The following GALNT1 variants were observed in gnomAD, a reference collection of about 807,000 sequenced individuals.
GALNT1 encodes the protein polypeptide N-acetylgalactosaminyltransferase 1, also known as GalNAc transferase 1.
GALNT1 carries 17 observed loss-of-function variants against 65.7 expected under a neutral mutation model. The ratio of observed to expected loss-of-function variants is 0.26; its 90% CI spans 0.18 to 0.39. The LOEUF (loss-of-function observed/expected upper bound fraction) is 0.39. Among genes scored for constraint, GALNT1 ranks in the 10% least tolerant of loss-of-function variants. The pLI, the probability that GALNT1 is intolerant of heterozygous loss-of-function variation, is 1.00. For missense variants in GALNT1, 460 were observed against 672.8 expected (o/e 0.68, Z 3.50); for synonymous variants, 210 against 219.7 (o/e 0.96, Z 0.39).
At chr18:35,709,526 A>AAAAAACACCTTTT in intron 11 of GALNT1, 98 bp from the exon 12 acceptor site, 1 of 1,327,934 alleles carries the variant, frequency 7.5e-7, no homozygotes, top group Non-Finnish European at 1.0e-6. Flanking sequence ...ATATTACCAA[A>AAAAAACACCTTTT]AAAAACACCT....
chr18:35,631,866 A>T (rs1230139093), intron 1 of GALNT1, among the ~76,000 whole-genome samples: 1 of 152,354 alleles, frequency 6.6e-6, no homozygotes, highest in East Asian at 1.9e-4. Flanking sequence ...AAGTCTCAGT[A>T]TACAAAATCA....
At chr18:35,706,088 A>T (rs1470992905) in intron 11 of GALNT1, among the ~76,000 whole-genome samples, 1 of 152,200 alleles carries the variant, frequency 6.6e-6, no homozygotes, top group Non-Finnish European at 1.5e-5. Context: ...TAGTCGTTAG[A>T]GTGTGAGATG....
chr18:35,643,881 CA>C (rs1021775652), intron 1 of GALNT1, among the ~76,000 whole-genome samples: 18 of 151,684 alleles, frequency 1.2e-4, no homozygotes, highest in African/African-American at 4.4e-4. Context: ...CATTGGGATG[CA>C]AATTTGTAGG....
At chr18:35,683,075 A>G (rs2047810547) in intron 4 of GALNT1, among the ~76,000 whole-genome samples, 1 of 151,922 alleles carries the variant, frequency 6.6e-6, no homozygotes, top group Non-Finnish European at 1.5e-5. Flanking sequence ...TGTATTGCTG[A>G]TCCTTAAGCA....
chr18:35,608,887 G>T (rs1186976770), intron 1 of GALNT1, among the ~76,000 whole-genome samples: 6 of 152,150 alleles, frequency 3.9e-5, no homozygotes, highest in Non-Finnish European at 8.8e-5. Flanking sequence ...CATCATAGGG[G>T]CACTGTAAGT....
At chr18:35,601,573 T>G (rs533329603) in intron 1 of GALNT1, among the ~76,000 whole-genome samples, 1 of 152,316 alleles carries the variant, frequency 6.6e-6, no homozygotes, top group South Asian at 2.1e-4. Context: ...GATGTTTATT[T>G]CTATAAATAT....
At chr18:35,676,242 T>A (rs1158197967) in intron 3 of GALNT1, among the ~76,000 whole-genome samples, 1 of 152,000 alleles carries the variant, frequency 6.6e-6, no homozygotes, top group African/African-American at 2.4e-5. Context: ...AGAGGGAAGG[T>A]TACTGTTAGT....
At chr18:35,618,313 T>G (rs1028172036) in intron 1 of GALNT1, among the ~76,000 whole-genome samples, 2 of 152,128 alleles carry the variant, frequency 1.3e-5, no homozygotes, top group East Asian at 3.9e-4. Context: ...TTTAAAAAAT[T>G]TTAGTTATTC....
At chr18:35,683,290 C>G (rs2047813958) in intron 4 of GALNT1, 101 bp from the exon 5 acceptor site, 1 of 863,270 alleles carries the variant, frequency 1.2e-6, no homozygotes, top group African/African-American at 1.7e-5. Context: ...TGAGAGTGTT[C>G]AGTAAGGGTA....
intron 1 of GALNT1, among the ~76,000 whole-genome samples, chr18:35,635,772 T>C (rs2047080725): frequency 6.6e-6 from 1 of 152,198 alleles, no homozygotes; most frequent in Non-Finnish European, 1.5e-5. Context: ...TTCTTTTCTT[T>C]TAGGGTGACT....
At chr18:35,644,111 C>A (rs558884288) in intron 1 of GALNT1, among the ~76,000 whole-genome samples, 89 of 152,258 alleles carry the variant, frequency 5.8e-4, no homozygotes, top group African/African-American at 2.1e-3. Context: ...ATGACTACCC[C>A]AAATGATAAG....
At chr18:35,640,485 T>G (rs113201219) in intron 1 of GALNT1, among the ~76,000 whole-genome samples, 100 of 152,322 alleles carry the variant, frequency 6.6e-4, no homozygotes, top group Admixed American at 2.9e-3. Context: ...TTTTATAGAT[T>G]TAAAGATGCT....
intron 1 of GALNT1, among the ~76,000 whole-genome samples, chr18:35,620,261 G>C (rs1418064301): frequency 6.6e-6 from 1 of 152,114 alleles, no homozygotes; most frequent in African/African-American, 2.4e-5. Flanking sequence ...AGGGGTGAGG[G>C]CAAAATGGCC....
intron 1 of GALNT1, chr18:35,591,925 A>G (rs1388696336): frequency 6.5e-6 from 1 of 154,390 alleles, no homozygotes; most frequent in African/African-American, 2.4e-5. Flanking sequence ...CATTAACAGC[A>G]ATGGAAAAAA....
At chr18:35,680,192 T>C (rs2047766361) in intron 4 of GALNT1, among the ~76,000 whole-genome samples, 1 of 152,170 alleles carries the variant, frequency 6.6e-6, no homozygotes, top group Non-Finnish European at 1.5e-5. Context: ...CCTTCAATTG[T>C]ACTGATTTTG....
intron 3 of GALNT1, among the ~76,000 whole-genome samples, chr18:35,670,018 G>A (rs1368365862): frequency 1.3e-5 from 2 of 152,148 alleles, no homozygotes; most frequent in African/African-American, 2.4e-5. Flanking sequence ...GACCGGTCAC[G>A]GTGACTCACA....
At chr18:35,623,341 A>G (rs147170132) in intron 1 of GALNT1, among the ~76,000 whole-genome samples, 10 of 151,414 alleles carry the variant, frequency 6.6e-5, no homozygotes, top group Admixed American at 2.0e-4. Flanking sequence ...GATGCTTTCA[A>G]TATTTTGTCT....
At chr18:35,650,865 A>G (rs1186892071) in intron 1 of GALNT1, among the ~76,000 whole-genome samples, 1 of 152,174 alleles carries the variant, frequency 6.6e-6, no homozygotes, top group Non-Finnish European at 1.5e-5. Flanking sequence ...CTGAGGCGAC[A>G]TTCATTCTCA....
At chr18:35,667,085 T>A (rs990002162) in intron 3 of GALNT1, among the ~76,000 whole-genome samples, 1 of 152,230 alleles carries the variant, frequency 6.6e-6, no homozygotes, top group Non-Finnish European at 1.5e-5. Flanking sequence ...CGAATTCTTA[T>A]ACCCTCTGAG....
Sources: allele counts gnomAD v4.1 joint callset (sites outside exome capture counted in the v4.1 genomes callset), GRCh38; gene constraint gnomAD v4.1.1; transcripts MANE v1.5; gene names NCBI Gene and HGNC (gene_info 2026-07-23, HGNC 2026-07-21).